Variants in SPAG7 observed in about 807,000 individuals in gnomAD.
SPAG7 encodes sperm-associated antigen 7.
Under a neutral mutation model 30.6 loss-of-function variants are expected in SPAG7, and 20 were observed. The ratio of observed to expected loss-of-function variants is 0.65; its 90% confidence interval spans 0.46 to 0.95. The LOEUF is 0.95. Among genes scored for constraint, SPAG7 ranks in the 40% least tolerant of loss-of-function variants. SPAG7 has a pLI of 0.00. For synonymous variants in SPAG7, 127 were observed against 104.2 expected, an observed-to-expected ratio of 1.22 and a Z score of -1.33; for missense variants, 276 against 291.1, an observed-to-expected ratio of 0.95 and a Z score of 0.38.
Position 4,960,055 on chromosome 17 carries a change from G to A in SPAG7, c.384C>T (p.Asp128=). ...LDSYRRGEEW[D]PQKAEEKRKL... ...TCCGCTTCTCCTCAGCCTTCTGGGGGTCCCATTCCTCTCCACGACGGTAAG... is the reference window on the plus strand; with the variant it reads ...TCCGCTTCTCCTCAGCCTTCTGGGGATCCCATTCCTCTCCACGACGGTAAG... The change falls in exon 5 of 7, where the codon GAC becomes GAT. Residue 128 remains aspartate, a synonymous_variant. Transcript: ENST00000206020. 4.3e-6 allele frequency: 7 copies of A among 1,614,126 alleles called. No homozygotes were observed. The highest frequency in any genetic ancestry group is 1.1e-5 in the South Asian group (1 of 91,088).
At position 4,960,460 on chromosome 17, in the gene SPAG7, G is replaced by C; in HGVS notation, c.241C>G (p.Leu81Val). The C allele has an allele frequency of 1.2e-6, 2 of 1,608,072 alleles. No homozygotes were observed. Among genetic ancestry groups the C allele is most frequent in the Non-Finnish European group, 1.7e-6 (2 of 1,177,172 alleles). ...CTCCCCCAGCCCAGGGACACTCACA[G>C]TATGCTCCTCTCGATCTTGTTCATT... ...QPMNKIERSI[L>V]HDVVEVAGLT... Residue 81 changes from leucine to valine, a missense_variant and splice_region_variant, in exon 3 of 7, where the codon CTA (leucine) becomes GTA (valine). Transcript: ENST00000206020.
chr17:4,959,970 C>A, intron 5 of SPAG7, 52 bp downstream of exon 5: 1 of 1,613,426 alleles, frequency 6.2e-7, no homozygotes, highest in South Asian at 1.1e-5. Flanking sequence ...AAACCCCCAC[C>A]CCTCCCAGGT....
At position 4,962,891 on chromosome 17, in the gene SPAG7, C is replaced by T. The variant is rs114361585; in HGVS notation, c.86-2038G>A. Among the ~76,000 whole-genome samples, 777 of 151,844 alleles carry T rather than the reference C, an allele frequency of 5.1e-3. 7 individuals are homozygous for T. The highest frequency in any genetic ancestry group is 0.017 in the African/African-American group (707 of 41,438). On this transcript the variant is annotated intron_variant, in intron 1 of 6. Transcript: ENST00000206020. ...CCTCCCACCTGGGCCTCTCAAATTG[C>T]TTGAAAGCCTTGAGCCTCTGCACCC...
intron 1 of SPAG7, chr17:4,966,508 T>G (rs1971954847): frequency 1.2e-6 from 1 of 837,360 alleles, no homozygotes; most frequent in Non-Finnish European, 1.4e-6. Flanking sequence ...AGAATTCCAG[T>G]TCCCCATTCC....
At chr17:4,964,096 G>C (rs542228013) in intron 1 of SPAG7, among the ~76,000 whole-genome samples, 62 of 152,268 alleles carry the variant, frequency 4.1e-4, no homozygotes, top group African/African-American at 1.4e-3. Context: ...CTCCCAAAGT[G>C]CTGGGATTTC....
chr17:4,960,270 T>C lies in SPAG7; in HGVS notation c.291A>G (p.Glu97=), dbSNP rs1021354072. 1 of 1,614,104 alleles carries C rather than the reference T, an allele frequency of 6.2e-7. No homozygotes were observed. The highest frequency in any genetic ancestry group is 1.3e-5 in the African/African-American group (1 of 74,934). Residue 97 remains glutamate, a synonymous_variant, in exon 4 of 7, where the codon GAA becomes GAG. Transcript: ENST00000206020. ...VAGLTSFSFG[E]DDDCRYVMIF... ...TCATGACATAGCGACAGTCATCATC[T>C]TCCCCAAAGGAGAAGGATGTCAGGC...
intron 1 of SPAG7, among the ~76,000 whole-genome samples, chr17:4,964,357 C>CTTTTTTT (rs1169648266): frequency 2.7e-5 from 3 of 110,036 alleles, no homozygotes; most frequent in East Asian, 2.7e-4. Context: ...TCCTTTACAT[C>CTTTTTTT]TTTTTTTTTT....
At chr17:4,967,040 C>T (rs1023271281) in intron 1 of SPAG7, 1 of 985,778 alleles carries the variant, frequency 1.0e-6, no homozygotes, top group Non-Finnish European at 1.2e-6. Flanking sequence ...TCCAGCCCAC[C>T]CGCAGGGAAG....
chr17:4,966,793 A>G (rs1417240996), intron 1 of SPAG7: 7 of 985,368 alleles, frequency 7.1e-6, no homozygotes, highest in Non-Finnish European at 8.4e-6. Context: ...TTGTTCAAGA[A>G]ACAAGGGGAC....
intron 1 of SPAG7, among the ~76,000 whole-genome samples, chr17:4,961,764 CAAA>C (rs762833514): frequency 3.8e-4 from 22 of 57,584 alleles, no homozygotes; most frequent in South Asian, 2.1e-3. Flanking sequence ...GACTCCATCT[CAAA>C]AAAAAAAAAA....
At chr17:4,963,873 T>C (rs1329910566) in intron 1 of SPAG7, among the ~76,000 whole-genome samples, 1 of 152,180 alleles carries the variant, frequency 6.6e-6, no homozygotes, top group Non-Finnish European at 1.5e-5. Flanking sequence ...GGAGTGTAGG[T>C]GTCCAAGGTT....
intron 1 of SPAG7, chr17:4,966,555 ACT>A: frequency 1.0e-6 from 1 of 980,140 alleles, no homozygotes. Flanking sequence ...TTTCAAATAG[ACT>A]CTTCTGCCTG....
chr17:4,959,967 C>T (rs963470485), intron 5 of SPAG7, 51 bp from the exon 6 acceptor site: 9 of 1,613,252 alleles, frequency 5.6e-6, no homozygotes, highest in Admixed American at 1.7e-5. Context: ...CCCAAACCCC[C>T]ACCCCTCCCA....
At chr17:4,963,660 T>C (rs901381343) in intron 1 of SPAG7, among the ~76,000 whole-genome samples, 4 of 152,022 alleles carry the variant, frequency 2.6e-5, no homozygotes, top group South Asian at 4.1e-4. Flanking sequence ...GGTTTCACCA[T>C]ATTGGCCAGG....
intron 1 of SPAG7, among the ~76,000 whole-genome samples, chr17:4,965,135 A>T (rs951477468): frequency 6.6e-6 from 1 of 150,930 alleles, no homozygotes; most frequent in African/African-American, 2.4e-5. Context: ...CTGGTCTCGA[A>T]CTCCCGACGT....
intron 4 of SPAG7, 35 bp from the exon 5 acceptor site, chr17:4,960,146 T>A: frequency 6.2e-7 from 1 of 1,604,112 alleles, no homozygotes; most frequent in Non-Finnish European, 8.5e-7. Context: ...TCAGAGTCCA[T>A]ACAAATGTTT....
At chr17:4,959,951 C>A in intron 5 of SPAG7, 35 bp from the exon 6 acceptor site, 2 of 1,612,822 alleles carry the variant, frequency 1.2e-6, no homozygotes, top group South Asian at 1.1e-5. Flanking sequence ...GTGCTCAGGG[C>A]CCCAGCCCAA....
intron 1 of SPAG7, among the ~76,000 whole-genome samples, chr17:4,965,569 C>T (rs1971936011): frequency 6.6e-6 from 1 of 152,034 alleles, no homozygotes; most frequent in Non-Finnish European, 1.5e-5. Context: ...GGCAGGGACC[C>T]TGTTGATCTA....
intron 6 of SPAG7, 27 bp downstream of exon 6, chr17:4,959,733 C>T (rs973460237): frequency 1.9e-6 from 3 of 1,614,162 alleles, no homozygotes; most frequent in Non-Finnish European, 2.5e-6. Flanking sequence ...CCTCTCCCAG[C>T]CACCCCCAGC....
Sources: allele counts gnomAD v4.1 joint callset (sites outside exome capture counted in the v4.1 genomes callset), GRCh38; gene constraint gnomAD v4.1.1; transcripts MANE v1.5; gene names NCBI Gene and HGNC (gene_info 2026-07-23, HGNC 2026-07-21).